Variants in CDH13 observed in about 807,000 individuals in gnomAD.
CDH13 encodes cadherin 13, also known as cadherin-13.
A neutral mutation model predicts 63.8 loss-of-function variants in CDH13; 24 were observed. The ratio of observed to expected loss-of-function variants is 0.38; its 90% confidence interval spans 0.27 to 0.53. The LOEUF (loss-of-function observed/expected upper bound fraction) is 0.53, where lower values mean the gene tolerates loss of function less well. Ranked by LOEUF, CDH13 falls within the 20% of genes least tolerant of loss-of-function variation. The pLI, the probability that CDH13 is intolerant of heterozygous loss-of-function variation, is 0.85. For synonymous variants in CDH13, 503 were observed against 355.3 expected (o/e 1.42, Z -4.67); for missense variants, 1,049 against 903.1 (o/e 1.16, Z -2.07).
Position 82,860,386 on chromosome 16 carries a change from T to TGG in CDH13, c.157+1914_157+1915insGG, listed in dbSNP as rs1212112335. Reference sequence around the variant, plus strand: ...GCAGTATCACAGTTGTGTGTGTGTGTGTGGGGGGGGGGGCGGCGGTGTGCG... The same window carrying TGG: ...GCAGTATCACAGTTGTGTGTGTGTGTGGGTGGGGGGGGGGGCGGCGGTGTGCG... On this transcript the variant is annotated intron_variant, in intron 2 of 13. Coordinates refer to ENST00000567109, the MANE Select transcript of CDH13 (RefSeq NM_001257.5). Among the ~76,000 whole-genome samples the TGG allele has an allele frequency of 2.7e-3, 84 of 31,198 alleles. 2 individuals are homozygous for TGG. Among genetic ancestry groups the TGG allele is most frequent in the African/African-American group, 5.3e-3 (37 of 6,998 alleles). 20.5% of individuals were successfully genotyped at this position (31,198 alleles called of 152,430 possible).
chr16:82,746,456 C>T (rs1378515817), intron 1 of CDH13, among the ~76,000 whole-genome samples: 2 of 151,994 alleles, frequency 1.3e-5, no homozygotes, highest in East Asian at 3.9e-4. Flanking sequence ...ATTTCATATT[C>T]TCTCCAGGTC....
chr16:82,924,451 C>G (rs543104615), intron 2 of CDH13, among the ~76,000 whole-genome samples: 19 of 152,296 alleles, frequency 1.2e-4, no homozygotes, highest in Admixed American at 2.6e-4. Context: ...TTTATTTACT[C>G]AGGTGGTGGT....
intron 5 of CDH13, among the ~76,000 whole-genome samples, chr16:83,274,497 T>G (rs757689199): frequency 2.0e-5 from 3 of 152,194 alleles, no homozygotes; most frequent in Non-Finnish European, 4.4e-5. Flanking sequence ...TACCACAGTT[T>G]GAACTTACCT....
chr16:82,848,655 G>C (rs1324820835), intron 1 of CDH13, among the ~76,000 whole-genome samples: 5 of 151,466 alleles, frequency 3.3e-5, no homozygotes, highest in Non-Finnish European at 7.4e-5. Context: ...TGTTCTGACT[G>C]TTCCACCAAC....
At position 83,779,920 on chromosome 16, in the gene CDH13, C is replaced by T. The variant is rs1915401750; in HGVS notation, c.1682-48C>T. 6.3e-6 allele frequency: 8 copies of T among 1,263,578 alleles called. No homozygotes were observed. In the East Asian group the frequency reaches 1.6e-4, roughly 26 times the overall value. The allele number at this position is 1,263,578 out of a possible 1,614,324, so 78.3% of individuals were successfully genotyped here. ...ATGCAAAAAGTGCTATGGTAAATTG[C>T]TCTCGCATATACCAGTTGCATACCA... On this transcript the variant is annotated intron_variant, in intron 11 of 13. Transcript: ENST00000567109.
chr16:82,762,213 G>A (rs1458778435), intron 1 of CDH13, among the ~76,000 whole-genome samples: 3 of 152,166 alleles, frequency 2.0e-5, no homozygotes, highest in Non-Finnish European at 4.4e-5. Context: ...TGAAGAGGTT[G>A]AATGTAATGA....
intron 1 of CDH13, among the ~76,000 whole-genome samples, chr16:82,758,917 T>G (rs1433432696): frequency 2.6e-5 from 4 of 152,226 alleles, no homozygotes; most frequent in Admixed American, 2.6e-4. Flanking sequence ...TTTTCTTAAA[T>G]ACACGTAACA....
intron 2 of CDH13, among the ~76,000 whole-genome samples, chr16:82,907,618 T>C (rs1359211720): frequency 2.6e-5 from 4 of 152,242 alleles, no homozygotes; most frequent in Non-Finnish European, 5.9e-5. Flanking sequence ...AGAAAATTCA[T>C]GGTGAGGCCA....
chr16:83,645,042 A>C (rs1024253942), intron 8 of CDH13, among the ~76,000 whole-genome samples: 1 of 151,868 alleles, frequency 6.6e-6, no homozygotes, highest in African/African-American at 2.4e-5. Context: ...GCTCACATCC[A>C]CTCCCAAATC....
At chr16:82,929,677 A>AAAAAAAG in intron 2 of CDH13, among the ~76,000 whole-genome samples, 1 of 137,444 alleles carries the variant, frequency 7.3e-6, no homozygotes, top group Non-Finnish European at 1.6e-5. Flanking sequence ...AAAAAAAAAA[A>AAAAAAAG]AAAAAAGAAG....
chr16:83,045,238 TCATGACC>T (rs1917668597), intron 3 of CDH13, among the ~76,000 whole-genome samples: 1 of 152,172 alleles, frequency 6.6e-6, no homozygotes, highest in Admixed American at 6.5e-5. Context: ...TCCTGTGTCA[TCATGACC>T]CATTAATAAA....
chr16:83,558,679 T>G (rs937074803), intron 7 of CDH13, among the ~76,000 whole-genome samples: 1 of 152,240 alleles, frequency 6.6e-6, no homozygotes, highest in African/African-American at 2.4e-5. Context: ...ATTTGAGTGT[T>G]AGTGTTCCAA....
intron 1 of CDH13, among the ~76,000 whole-genome samples, chr16:82,744,239 C>A (rs576019272): frequency 1.3e-5 from 2 of 152,132 alleles, no homozygotes; most frequent in Non-Finnish European, 2.9e-5. Context: ...AAGTCCAAAG[C>A]GAAGCAAGAG....
At chr16:82,664,414 G>C (rs1158087162) in intron 1 of CDH13, among the ~76,000 whole-genome samples, 1 of 152,220 alleles carries the variant, frequency 6.6e-6, no homozygotes, top group Admixed American at 6.5e-5. Flanking sequence ...GTGCAGCTTG[G>C]CTACAGCTCT....
intron 5 of CDH13, among the ~76,000 whole-genome samples, chr16:83,295,240 A>G (rs1026219105): frequency 1.3e-5 from 2 of 152,198 alleles, no homozygotes; most frequent in African/African-American, 4.8e-5. Context: ...AAAATGAAAT[A>G]AAGATTTAAA....
chr16:82,711,414 A>C (rs2031934055), intron 1 of CDH13, among the ~76,000 whole-genome samples: 1 of 152,144 alleles, frequency 6.6e-6, no homozygotes, highest in Non-Finnish European at 1.5e-5. Context: ...GGGAGGATGC[A>C]AGAGGAACAC....
intron 1 of CDH13, among the ~76,000 whole-genome samples, chr16:82,752,148 C>G (rs2034442372): frequency 6.6e-6 from 1 of 152,200 alleles, no homozygotes; most frequent in African/African-American, 2.4e-5. Context: ...AGGCCTGGGA[C>G]AATCAATACA....
chr16:82,977,320 G>T (rs185516545), intron 2 of CDH13, among the ~76,000 whole-genome samples: 66 of 152,242 alleles, frequency 4.3e-4, no homozygotes, highest in African/African-American at 1.5e-3. Context: ...TTAACCAGAA[G>T]CTTAGTAGTC....
At chr16:83,774,942 G>A (rs1333010282) in intron 11 of CDH13, among the ~76,000 whole-genome samples, 1 of 149,426 alleles carries the variant, frequency 6.7e-6, no homozygotes, top group Non-Finnish European at 1.5e-5. Flanking sequence ...TCAATTTTAT[G>A]TTATGTATAT....
Sources: gnomAD v4.1 joint callset for allele counts (sites outside exome capture counted in the v4.1 genomes callset) on GRCh38, gnomAD v4.1.1 for gene constraint, MANE v1.5 for transcripts, NCBI Gene and HGNC (gene_info 2026-07-23, HGNC 2026-07-21) for gene names.